PRKCG: variants seen among roughly 807,000 people sequenced by gnomAD.
PRKCG encodes protein kinase C gamma.
In PRKCG, 28 loss-of-function variants were observed where a neutral mutation model predicts 82.0. That is an observed-to-expected ratio of 0.34 (90% CI 0.25 to 0.47). The LOEUF is 0.47. Ranked by LOEUF, PRKCG falls within the 20% of genes least tolerant of loss-of-function variation. The probability of loss-of-function intolerance (pLI) is 1.00; values close to 1 mark genes in which losing one functional copy is unlikely to be tolerated. For synonymous variants in PRKCG, 383 were observed against 376.6 expected (o/e 1.02, Z -0.20); for missense variants, 640 against 952.7 (o/e 0.67, Z 4.32).
Position 53,889,611 on chromosome 19 carries a change from C to A in PRKCG, c.286-27C>A. 6.3e-7 allele frequency: 1 copy of A among 1,590,820 alleles called. No individual in the cohort carries two copies. Among genetic ancestry groups the A allele is most frequent in the Non-Finnish European group, 8.6e-7 (1 of 1,159,242 alleles). Reference sequence around the variant, plus strand: ...GGGGTTTTAGGACCCTCCCAACGCCCCCTAAGCCAGTCTTCTCTGCCCCCA... The same window carrying A: ...GGGGTTTTAGGACCCTCCCAACGCCACCTAAGCCAGTCTTCTCTGCCCCCA... On this transcript the variant is annotated intron_variant, in intron 3 of 17. Coordinates refer to ENST00000263431, the MANE Select transcript of PRKCG (RefSeq NM_002739.5). The surrounding 1 kb of genome is among the most constrained non-coding windows in gnomAD (Gnocchi z 4.4).
At chr19:53,890,070 G>A (rs2068662161) in intron 5 of PRKCG, 53 bp downstream of exon 5, 1 of 1,532,902 alleles carries the variant, frequency 6.5e-7, no homozygotes. Context: ...TGTGAGGCGG[G>A]GCTGACCCAA....
intron 3 of PRKCG, among the ~76,000 whole-genome samples, chr19:53,888,645 G>A (rs936548388): frequency 3.3e-5 from 5 of 152,076 alleles, no homozygotes; most frequent in Admixed American, 1.3e-4. Flanking sequence ...AGCATCTAAC[G>A]TGGTAGGCAC....
At chr19:53,902,439 T>G (rs2068770651) in intron 14 of PRKCG, among the ~76,000 whole-genome samples, 1 of 151,802 alleles carries the variant, frequency 6.6e-6, no homozygotes, top group African/African-American at 2.4e-5. Flanking sequence ...TAAGAAAATT[T>G]GAAAACTACA....
intron 9 of PRKCG, among the ~76,000 whole-genome samples, chr19:53,893,719 G>A (rs754431441): frequency 2.0e-5 from 3 of 151,958 alleles, no homozygotes; most frequent in Non-Finnish European, 2.9e-5. Context: ...AGGAGGTGAC[G>A]CCTGAATTGA....
chr19:53,901,568 A>G (rs964873923), intron 14 of PRKCG, among the ~76,000 whole-genome samples: 4 of 149,334 alleles, frequency 2.7e-5, no homozygotes, highest in Non-Finnish European at 4.5e-5. Flanking sequence ...AAAAAAAAAA[A>G]AAAGCCGGGT....
intron 17 of PRKCG, 98 bp from the exon 18 acceptor site, chr19:53,906,609 G>A (rs2068813691): frequency 6.4e-7 from 1 of 1,554,038 alleles, no homozygotes; most frequent in East Asian, 2.2e-5. Flanking sequence ...CATGAATAGA[G>A]ATTCTGCAGG....
chr19:53,906,658 G>T, intron 17 of PRKCG, 49 bp from the exon 18 acceptor site: 2 of 1,600,218 alleles, frequency 1.2e-6, no homozygotes, highest in Non-Finnish European at 1.7e-6. Context: ...AGGGACACCC[G>T]AGGAGCCCTC....
At position 53,906,983 on chromosome 19, in the gene PRKCG, T is replaced by C; in HGVS notation, c.*88T>C. ...TCACCCCCAACTTCACCACCCCCTG[T>C]CCCATTCTAGATCCTGCACCCCAGC... On this transcript the variant is annotated 3_prime_UTR_variant, in exon 18 of 18. Coordinates refer to ENST00000263431, the MANE Select transcript of PRKCG (RefSeq NM_002739.5). The C allele has an allele frequency of 6.4e-7, 1 of 1,570,744 alleles. No homozygotes were observed.
chr19:53,896,112 G>T (rs1211364663), intron 9 of PRKCG, among the ~76,000 whole-genome samples: 1 of 151,648 alleles, frequency 6.6e-6, no homozygotes, highest in Non-Finnish European at 1.5e-5. Context: ...GGGTACCAGC[G>T]GGAGGACATT....
rs1318614026 is a variant in PRKCG, at chr19:53,883,368, G to A, written c.202+174G>A. Reference sequence around the variant, plus strand: ...GGTGGGGAGGGAGCTTTGATGGTGGGGCCACCGCGGAGGTGGTGCTGGGGG... The same window carrying A: ...GGTGGGGAGGGAGCTTTGATGGTGGAGCCACCGCGGAGGTGGTGCTGGGGG... On this transcript the variant is annotated intron_variant, in intron 2 of 17. Transcript: ENST00000263431. The surrounding 1 kb of genome is among the most constrained non-coding windows in gnomAD (Gnocchi z 5.4). Among the ~76,000 whole-genome samples, 1 of 151,642 alleles carries A rather than the reference G, an allele frequency of 6.6e-6. No homozygotes were observed. The highest frequency in any genetic ancestry group is 2.4e-5 in the African/African-American group (1 of 41,284).
intron 9 of PRKCG, among the ~76,000 whole-genome samples, chr19:53,897,153 G>A (rs2068723663): frequency 6.6e-6 from 1 of 152,210 alleles, no homozygotes; most frequent in South Asian, 2.1e-4. Context: ...GGCTCTGCAA[G>A]TCATGTGGAA....
rs529249718 is a variant in PRKCG at position 53,884,028 on chromosome 19, G to A, written c.203-133G>A. 9 of 844,016 alleles carry A rather than the reference G, an allele frequency of 1.1e-5. No individual in the cohort carries two copies. The East Asian group carries it at 2.3e-4, about 22-fold the overall frequency. 52.3% of individuals were successfully genotyped at this position (844,016 alleles called of 1,614,324 possible). A position where few individuals can be genotyped will look rare whatever the true frequency, so the allele number is the denominator to read the frequency against. Reference sequence around the variant, plus strand: ...CGATTTTCTCTCTGTTGGACTCTCTGTGTTGAGATCCCTCTCTTTCTGGTT... The same window carrying A: ...CGATTTTCTCTCTGTTGGACTCTCTATGTTGAGATCCCTCTCTTTCTGGTT... On this transcript the variant is annotated intron_variant, in intron 2 of 17. Coordinates refer to ENST00000263431, the MANE Select transcript of PRKCG (RefSeq NM_002739.5). The surrounding 1 kb of genome is among the most constrained non-coding windows in gnomAD (Gnocchi z 4.6).
Position 53,883,901 on chromosome 19 carries a change from C to T in PRKCG, c.203-260C>T, listed in dbSNP as rs2068612302. On this transcript the variant is annotated intron_variant, in intron 2 of 17. Transcript: ENST00000263431. This position sits in a 1 kb window ranked among gnomAD's most constrained non-coding sequence, Gnocchi z 5.4. ...TTCTCTCTTTTTCCATCTCCCTTCC[C>T]TGAGCTCTGTGCTCTGTGTCTCTCT... 6.6e-6 allele frequency among the ~76,000 whole-genome samples: 1 copy of T among 152,136 alleles called. No homozygotes were observed. The highest frequency in any genetic ancestry group is 2.4e-5 in the African/African-American group (1 of 41,424).
At chr19:53,890,905 C>A (rs916294356) in intron 5 of PRKCG, among the ~76,000 whole-genome samples, 3 of 151,956 alleles carry the variant, frequency 2.0e-5, no homozygotes, top group Non-Finnish European at 4.4e-5. Flanking sequence ...GTGCATGACA[C>A]TGCACCCAGC....
intron 16 of PRKCG, among the ~76,000 whole-genome samples, chr19:53,906,092 T>C (rs1402700865): frequency 2.2e-4 from 18 of 81,630 alleles, no homozygotes; most frequent in African/African-American, 1.9e-3. Flanking sequence ...CTCCTTCTTC[T>C]TCTTCTTCTT....
At chr19:53,901,908 AG>A (rs2068767313) in intron 14 of PRKCG, among the ~76,000 whole-genome samples, 1 of 151,434 alleles carries the variant, frequency 6.6e-6, no homozygotes, top group South Asian at 2.1e-4. Context: ...AGGTTCTGGG[AG>A]AGCAGATGCT....
At position 53,883,164 on chromosome 19, in the gene PRKCG, G is replaced by T; in HGVS notation, c.172G>T (p.Gly58Cys). The change falls in exon 2 of 18, where the codon GGT (glycine) becomes TGT (cysteine). Residue 58 changes from glycine to cysteine, a missense_variant and splice_region_variant. Physicochemically the swap from Gly to Cys is radical, Grantham distance 159. Coordinates refer to ENST00000263431, the MANE Select transcript of PRKCG (RefSeq NM_002739.5). This position sits in a 1 kb window ranked among gnomAD's most constrained non-coding sequence, Gnocchi z 5.4. ...ACCTAGGATCCCTGACTCTTCCAGGGGTATCGGAAAGCAGGGCCTGCAATG... is the reference window on the plus strand; with the variant it reads ...ACCTAGGATCCCTGACTCTTCCAGGTGTATCGGAAAGCAGGGCCTGCAATG... The part of the protein sequence containing the change: ...FCSHCTDFIW[G>C]IGKQGLQCQV... The T allele has an allele frequency of 3.7e-6, 6 of 1,614,038 alleles. No homozygotes were observed. The highest frequency in any genetic ancestry group is 5.1e-6 in the Non-Finnish European group (6 of 1,179,970).
rs1248784107 is a variant in PRKCG at position 53,883,529 on chromosome 19, C to A, written c.202+335C>A. On this transcript the variant is annotated intron_variant, in intron 2 of 17. Coordinates refer to ENST00000263431, the MANE Select transcript of PRKCG (RefSeq NM_002739.5). The surrounding 1 kb of genome is among the most constrained non-coding windows in gnomAD (Gnocchi z 5.4). The stretch of plus-strand genomic sequence containing the variant: ...GAGATGCAAAGTCAGAGCCCCCCCC[C>A]ACCCCAGGCTGCCGTCGCCATGACA... Among the ~76,000 whole-genome samples, 4 of 151,918 alleles carry A rather than the reference C, an allele frequency of 2.6e-5. No homozygotes were observed. Among genetic ancestry groups the A allele is most frequent in the Admixed American group, 6.5e-5 (1 of 15,270 alleles).
At position 53,900,098 on chromosome 19, in the gene PRKCG, G is replaced by A. The variant is rs191161215; in HGVS notation, c.1282-135G>A. On this transcript the variant is annotated intron_variant, in intron 11 of 17. Transcript: ENST00000263431. This position sits in a 1 kb window ranked among gnomAD's most constrained non-coding sequence, Gnocchi z 4.2. ...GATTAGCACCTTAGGGCCCTCCCAGGGATGTGGCTAGGTGCTCTGAATTTC... is the reference window on the plus strand; with the variant it reads ...GATTAGCACCTTAGGGCCCTCCCAGAGATGTGGCTAGGTGCTCTGAATTTC... 1 of 824,632 alleles carries A rather than the reference G, an allele frequency of 1.2e-6. No homozygotes were observed. Among genetic ancestry groups the A allele is most frequent in the East Asian group, 2.6e-5 (1 of 39,074 alleles). The allele number at this position is 824,632 out of a possible 1,614,324, so 51.1% of individuals were successfully genotyped here.
Sources: allele counts gnomAD v4.1 joint callset (sites outside exome capture counted in the v4.1 genomes callset), GRCh38; gene constraint gnomAD v4.1.1; non-coding constraint Gnocchi (gnomAD v3.1); transcripts MANE v1.5; gene names NCBI Gene and HGNC (gene_info 2026-07-23, HGNC 2026-07-21).